The following UBE2G2 variants were observed in gnomAD, a reference collection of about 807,000 sequenced individuals.
UBE2G2 encodes ubiquitin conjugating enzyme E2 G2.
UBE2G2 carries 10 observed loss-of-function variants against 23.0 expected under a neutral mutation model. The observed-to-expected ratio is 0.43, with a 90% CI of 0.27 to 0.74. UBE2G2 has a LOEUF of 0.74. Ranked by LOEUF, UBE2G2 falls within the 30% of genes least tolerant of loss-of-function variation. The pLI, the probability that UBE2G2 is intolerant of heterozygous loss-of-function variation, is 0.19. For synonymous variants in UBE2G2, 86 were observed against 81.3 expected (o/e 1.06, Z -0.31); for missense variants, 150 against 218.3 (o/e 0.69, Z 1.97).
Position 44,771,391 on chromosome 21 carries a change from A to G in UBE2G2, c.484T>C (p.Ser162Pro). 1 of 1,612,820 alleles carries G rather than the reference A, an allele frequency of 6.2e-7. No individual in the cohort carries two copies. ...YKIAKQIVQKSLGL is the reference protein window; with the variant it reads ...YKIAKQIVQKPLGL ...GAGGCCAGGTCTCACAGTCCCAGAGACTTCTGGACGATCTGCTTGGCAATC... is the reference window on the plus strand; with the variant it reads ...GAGGCCAGGTCTCACAGTCCCAGAGGCTTCTGGACGATCTGCTTGGCAATC... Residue 162 changes from serine (S) to proline (P), a missense_variant, in exon 6 of 6, where the codon TCT becomes CCT. Coordinates refer to ENST00000345496, the MANE Select transcript of UBE2G2 (RefSeq NM_003343.6). The surrounding 1 kb of genome is among the most constrained non-coding windows in gnomAD (Gnocchi z 4.6).
intron 1 of UBE2G2, among the ~76,000 whole-genome samples, chr21:44,797,888 A>G (rs1555964128): frequency 1.3e-5 from 2 of 152,196 alleles, no homozygotes; most frequent in Non-Finnish European, 2.9e-5. Context: ...ATGAGGACAC[A>G]GAAGTAATAG....
chr21:44,799,635 T>C (rs1387356003), intron 1 of UBE2G2, among the ~76,000 whole-genome samples: 3 of 152,262 alleles, frequency 2.0e-5, no homozygotes, highest in African/African-American at 7.2e-5. Context: ...AGGAATGTTA[T>C]GGCTGGTTTG....
intron 1 of UBE2G2, chr21:44,800,765 A>T (rs1555964634): frequency 1.3e-5 from 2 of 152,164 alleles, no homozygotes; most frequent in African/African-American, 4.8e-5. Context: ...TTTTTTTCTC[A>T]CATTCATTCT....
At chr21:44,788,279 G>GTTTTTTTTTT (rs1204675481) in intron 1 of UBE2G2, among the ~76,000 whole-genome samples, 184 bp from the exon 2 acceptor site, 1 of 121,722 alleles carries the variant, frequency 8.2e-6, no homozygotes. Context: ...ACTACACAAA[G>GTTTTTTTTTT]TTTTTTTGTT....
chr21:44,771,417 T>G lies in UBE2G2; in HGVS notation c.458A>C (p.Lys153Thr). The change falls in exon 6 of 6, where the codon AAG (lysine) becomes ACG (threonine). Residue 153 changes from lysine to threonine, a missense_variant. Transcript: ENST00000345496. The surrounding 1 kb of genome is among the most constrained non-coding windows in gnomAD (Gnocchi z 4.6). ...CTTCTGGACGATCTGCTTGGCAATC[T>G]TATAGAACTGCTCCCGGTCATCGCG... ...MWRDDREQFY[K>T]IAKQIVQKSL... The G allele has an allele frequency of 6.2e-7, 1 of 1,613,286 alleles. No individual in the cohort carries two copies. Among genetic ancestry groups the G allele is most frequent in the Non-Finnish European group, 8.5e-7 (1 of 1,180,038 alleles).
Position 44,771,531 on chromosome 21 carries a change from A to G in UBE2G2, c.386-42T>C, listed in dbSNP as rs1555959951. The stretch of plus-strand genomic sequence containing the variant: ...CACCCTCCATGTAAAAGGGAGTCTT[A>G]TACGTAAGCAGCCTGGCAAGGTCTC... On this transcript the variant is annotated intron_variant, in intron 5 of 5. Coordinates refer to ENST00000345496, the MANE Select transcript of UBE2G2 (RefSeq NM_003343.6). This position sits in a 1 kb window ranked among gnomAD's most constrained non-coding sequence, Gnocchi z 4.6. The G allele has an allele frequency of 1.3e-6, 2 of 1,584,432 alleles. No homozygotes were observed. Among genetic ancestry groups the G allele is most frequent in the African/African-American group, 1.3e-5 (1 of 74,588 alleles).
chr21:44,771,412 C>G lies in UBE2G2; in HGVS notation c.463G>C (p.Ala155Pro). Residue 155 changes from alanine to proline, a missense_variant, in exon 6 of 6, where the codon GCC (alanine) becomes CCC (proline). Physicochemically the swap from Ala to Pro is conservative, Grantham distance 27. Transcript: ENST00000345496. The surrounding 1 kb of genome is among the most constrained non-coding windows in gnomAD (Gnocchi z 4.6). ...AGAGACTTCTGGACGATCTGCTTGG[C>G]AATCTTATAGAACTGCTCCCGGTCA... Reference protein sequence around the residue: ...RDDREQFYKIAKQIVQKSLGL With the variant: ...RDDREQFYKIPKQIVQKSLGL 1 of 1,613,222 alleles carries G rather than the reference C, an allele frequency of 6.2e-7. No individual in the cohort carries two copies. The highest frequency in any genetic ancestry group is 8.5e-7 in the Non-Finnish European group (1 of 1,180,036).
At chr21:44,789,754 G>A (rs750337903) in intron 1 of UBE2G2, among the ~76,000 whole-genome samples, 23 of 152,106 alleles carry the variant, frequency 1.5e-4, no homozygotes, top group Non-Finnish European at 2.9e-4. Flanking sequence ...TGGTCCAAAC[G>A]CTTGCGTCCC....
At chr21:44,774,867 C>T (rs1435316597) in intron 4 of UBE2G2, 1 of 375,812 alleles carries the variant, frequency 2.7e-6, no homozygotes, top group Non-Finnish European at 5.3e-6. Flanking sequence ...TGCCACAGCC[C>T]CTCCTTCACC....
intron 1 of UBE2G2, 63 bp downstream of exon 1, chr21:44,801,643 G>A: frequency 3.4e-6 from 5 of 1,487,988 alleles, no homozygotes; most frequent in Non-Finnish European, 4.5e-6. Flanking sequence ...AGCCCCGCCG[G>A]ACGACGCGGG....
At chr21:44,782,491 C>G (rs556303792) in intron 3 of UBE2G2, among the ~76,000 whole-genome samples, 1 of 152,274 alleles carries the variant, frequency 6.6e-6, no homozygotes, top group East Asian at 1.9e-4. Flanking sequence ...AGTAAACAAT[C>G]TTGAAAAAGA....
chr21:44,783,645 T>C (rs1206934519), intron 3 of UBE2G2, among the ~76,000 whole-genome samples: 2 of 151,994 alleles, frequency 1.3e-5, no homozygotes, highest in Non-Finnish European at 2.9e-5. Flanking sequence ...ATTCCACACA[T>C]AGGAAAAGTC....
chr21:44,800,905 C>G (rs2083130933), intron 1 of UBE2G2: 1 of 150,440 alleles, frequency 6.6e-6, no homozygotes, highest in African/African-American at 2.4e-5. Context: ...CCTTTTAAGA[C>G]AAGGAAACTG....
At chr21:44,797,903 C>T (rs1010330890) in intron 1 of UBE2G2, among the ~76,000 whole-genome samples, 1 of 152,078 alleles carries the variant, frequency 6.6e-6, no homozygotes, top group Non-Finnish European at 1.5e-5. Flanking sequence ...TAATAGTCCC[C>T]CACATCCAAC....
intron 1 of UBE2G2, among the ~76,000 whole-genome samples, chr21:44,794,001 A>T (rs567329522): frequency 3.3e-5 from 5 of 151,728 alleles, no homozygotes; most frequent in Admixed American, 3.3e-4. Context: ...GACATATTAC[A>T]TGAAAAAAAA....
intron 3 of UBE2G2, among the ~76,000 whole-genome samples, chr21:44,786,154 T>G (rs1555961957): frequency 6.6e-6 from 1 of 152,246 alleles, no homozygotes; most frequent in Non-Finnish European, 1.5e-5. Flanking sequence ...TCTGGGCCCC[T>G]GCAGCAGGCG....
chr21:44,785,396 C>T (rs1269218603), intron 3 of UBE2G2, among the ~76,000 whole-genome samples: 2 of 152,238 alleles, frequency 1.3e-5, no homozygotes, highest in East Asian at 3.8e-4. Flanking sequence ...CCTAATCCCT[C>T]AACCCTGGTC....
At chr21:44,793,482 T>C (rs981866314) in intron 1 of UBE2G2, among the ~76,000 whole-genome samples, 9 of 152,248 alleles carry the variant, frequency 5.9e-5, no homozygotes, top group African/African-American at 2.2e-4. Flanking sequence ...CCCGCCAGCT[T>C]TGTTATTCAA....
At chr21:44,774,865 C>A in intron 4 of UBE2G2, 1 of 378,462 alleles carries the variant, frequency 2.6e-6, no homozygotes, top group Non-Finnish European at 5.2e-6. Flanking sequence ...CCTGCCACAG[C>A]CCCTCCTTCA....
Sources: gnomAD v4.1 joint callset for allele counts (sites outside exome capture counted in the v4.1 genomes callset) on GRCh38, gnomAD v4.1.1 for gene constraint, Gnocchi (gnomAD v3.1) non-coding constraint, MANE v1.5 for transcripts, NCBI Gene and HGNC (gene_info 2026-07-23, HGNC 2026-07-21) for gene names.